VSTM2A: variants seen among roughly 807,000 people sequenced by gnomAD.
VSTM2A encodes the protein V-set and transmembrane domain-containing protein 2A.
In VSTM2A, 13 loss-of-function variants were observed where a neutral mutation model predicts 27.3. That is an observed-to-expected ratio of 0.48 (90% CI 0.31 to 0.76). The LOEUF is 0.76. Ranked by LOEUF, VSTM2A falls within the 30% of genes least tolerant of loss-of-function variation. The pLI is 0.05. For missense variants in VSTM2A, 280 were observed against 310.0 expected (o/e 0.90, Z 0.73); for synonymous variants, 142 against 125.7 (o/e 1.13, Z -0.87).
rs192340578 is a variant in VSTM2A, at chr7:54,548,964, A to G, written c.298-870A>G. Among the ~76,000 whole-genome samples the G allele has an allele frequency of 6.4e-4, 97 of 151,232 alleles. 1 individual carries two copies. Among genetic ancestry groups the G allele is most frequent in the African/African-American group, 2.3e-3 (95 of 41,360 alleles). On this transcript the variant is annotated intron_variant, in intron 3 of 4. Coordinates refer to ENST00000402613, the MANE Select transcript of VSTM2A (RefSeq NM_001301009.2). ...CCTATCATTGTCTCAGTTATGAAGA[A>G]CATATGATTATGTATTAAACCTAAC...
At chr7:54,546,890 G>A (rs1478359948) in intron 2 of VSTM2A, 57 bp from the exon 3 acceptor site, 4 of 1,591,474 alleles carry the variant, frequency 2.5e-6, no homozygotes, top group Non-Finnish European at 3.4e-6. Flanking sequence ...TGCTCGCGTG[G>A]GAGCGGGTGG....
intron 4 of VSTM2A, among the ~76,000 whole-genome samples, chr7:54,565,180 T>A (rs993570395): frequency 6.6e-6 from 1 of 152,274 alleles, no homozygotes; most frequent in Non-Finnish European, 1.5e-5. Flanking sequence ...TCTGTGCTGA[T>A]GGACCACATT....
intron 2 of VSTM2A, among the ~76,000 whole-genome samples, chr7:54,545,551 G>T: frequency 8.9e-6 from 1 of 112,208 alleles, no homozygotes; most frequent in East Asian, 2.9e-4. Flanking sequence ...GGAGTGGGGA[G>T]GGGAGAAGAA....
intron 4 of VSTM2A, among the ~76,000 whole-genome samples, chr7:54,563,546 T>C (rs1477753872): frequency 4.6e-5 from 7 of 152,148 alleles, no homozygotes; most frequent in Admixed American, 3.9e-4. Flanking sequence ...ATTGTGTGCA[T>C]GCATCCACTC....
Position 54,550,025 on chromosome 7 carries a change from G to A in VSTM2A, c.489G>A (p.Ser163=), listed in dbSNP as rs376317939. ...GCAGAATGCAGGCCTTCGAAGCCTC[G>A]CCCATGTGGCTGCAGGATATGAAGC... ...HARRMQAFEA[S]PMWLQDMKPR... The change falls in exon 4 of 5, where the codon TCG becomes TCA. Residue 163 remains serine, a synonymous_variant. Coordinates refer to ENST00000402613, the MANE Select transcript of VSTM2A (RefSeq NM_001301009.2). 1.9e-5 allele frequency: 30 copies of A among 1,610,702 alleles called. No individual in the cohort carries two copies. The highest frequency in any genetic ancestry group is 2.5e-5 in the Non-Finnish European group (29 of 1,178,518).
At chr7:54,554,968 A>G (rs1788304158) in intron 4 of VSTM2A, among the ~76,000 whole-genome samples, 1 of 152,232 alleles carries the variant, frequency 6.6e-6, no homozygotes, top group South Asian at 2.1e-4. Context: ...TAAAACTCAA[A>G]TATTCAAGAC....
intron 4 of VSTM2A, chr7:54,553,808 C>G: frequency 6.5e-7 from 1 of 1,545,210 alleles, no homozygotes; most frequent in Non-Finnish European, 8.7e-7. Flanking sequence ...CTCCACCATG[C>G]CCCCAAATAC....
intron 4 of VSTM2A, among the ~76,000 whole-genome samples, chr7:54,566,790 A>G (rs1331642533): frequency 1.3e-5 from 2 of 152,214 alleles, no homozygotes; most frequent in Non-Finnish European, 2.9e-5. Context: ...GGAAATCAGA[A>G]CTCAGCGGTC....
At chr7:54,559,017 A>G (rs572225267) in intron 4 of VSTM2A, 22 of 152,200 alleles carry the variant, frequency 1.4e-4, no homozygotes, top group Middle Eastern at 3.4e-3. Context: ...AAAATAATAA[A>G]TGTCAATATT....
rs376689708 is a variant in VSTM2A, at chr7:54,546,939, G to A, written c.247-8G>A. 2.8e-5 allele frequency: 44 copies of A among 1,598,232 alleles called. No individual in the cohort carries two copies. Among genetic ancestry groups the A allele is most frequent in the Non-Finnish European group, 3.5e-5 (41 of 1,174,602 alleles). The stretch of plus-strand genomic sequence containing the variant: ...GCGCGGGACTGAGCGTTCGCTCCTT[G>A]CCCGCAGGTGGAGCTCTTGCCCGAC... On this transcript the variant is annotated splice_region_variant and splice_polypyrimidine_tract_variant and intron_variant, in intron 2 of 4. Coordinates refer to ENST00000402613, the MANE Select transcript of VSTM2A (RefSeq NM_001301009.2).
rs777581929 is a variant in VSTM2A, at chr7:54,544,822, C to G, written c.246+34C>G. The G allele has an allele frequency of 1.3e-5, 21 of 1,562,228 alleles. 1 individual carries two copies. In the South Asian group the frequency reaches 2.2e-4, roughly 16 times the overall value. On this transcript the variant is annotated intron_variant, in intron 2 of 4. Coordinates refer to ENST00000402613, the MANE Select transcript of VSTM2A (RefSeq NM_001301009.2). ...GCCCGCCGACCCCGCGTCTCCCCTTCGCTCGCCCGGTCCTCAGGGTGTCCG... is the reference window on the plus strand; with the variant it reads ...GCCCGCCGACCCCGCGTCTCCCCTTGGCTCGCCCGGTCCTCAGGGTGTCCG...
chr7:54,564,210 G>A (rs1277515727), intron 4 of VSTM2A, among the ~76,000 whole-genome samples: 2 of 152,192 alleles, frequency 1.3e-5, no homozygotes, highest in Non-Finnish European at 2.9e-5. Context: ...CCATTTTTAG[G>A]TTTGTTGTTA....
At chr7:54,554,162 G>A (rs557181551) in intron 4 of VSTM2A, 103 of 1,508,916 alleles carry the variant, frequency 6.8e-5, no homozygotes, top group South Asian at 3.2e-4. Context: ...CTCACATCTC[G>A]TCCTTCCCAG....
intron 4 of VSTM2A, among the ~76,000 whole-genome samples, chr7:54,566,095 A>G (rs1314879347): frequency 6.6e-6 from 1 of 152,196 alleles, no homozygotes. Context: ...CACTATGAAA[A>G]TCTTCAAGCA....
chr7:54,567,073 A>C (rs1193765753), intron 4 of VSTM2A, among the ~76,000 whole-genome samples: 1 of 152,228 alleles, frequency 6.6e-6, no homozygotes, highest in Non-Finnish European at 1.5e-5. Context: ...TACAAAGATG[A>C]AGTACATATC....
intron 4 of VSTM2A, among the ~76,000 whole-genome samples, chr7:54,557,577 C>T (rs1446709325): frequency 1.3e-5 from 2 of 151,924 alleles, no homozygotes; most frequent in African/African-American, 4.8e-5. Flanking sequence ...CAAGTGATCC[C>T]CTCTCTTTGG....
intron 4 of VSTM2A, chr7:54,554,073 G>A (rs1310991104): frequency 6.4e-7 from 1 of 1,551,802 alleles, no homozygotes; most frequent in South Asian, 1.2e-5. Flanking sequence ...GGCTCCTCCA[G>A]GTAAATTGCC....
chr7:54,544,889 G>A, intron 2 of VSTM2A, 101 bp downstream of exon 2: 1 of 1,362,326 alleles, frequency 7.3e-7, no homozygotes, highest in Non-Finnish European at 9.8e-7. Context: ...ACACCCCTGG[G>A]GACCTGCCCG....
chr7:54,566,205 G>A (rs1334906003), intron 4 of VSTM2A, among the ~76,000 whole-genome samples: 1 of 152,162 alleles, frequency 6.6e-6, no homozygotes, highest in African/African-American at 2.4e-5. Flanking sequence ...GTCCCATTAG[G>A]CCTCTCTTCA....
Sources: allele counts gnomAD v4.1 joint callset (sites outside exome capture counted in the v4.1 genomes callset), GRCh38; gene constraint gnomAD v4.1.1; transcripts MANE v1.5; gene names NCBI Gene and HGNC (gene_info 2026-07-23, HGNC 2026-07-21).